GABBR2: variants seen among roughly 807,000 people sequenced by gnomAD.
GABBR2 encodes the protein gamma-aminobutyric acid type B receptor subunit 2, also known as G-protein coupled receptor 51.
Under a neutral mutation model 105.6 loss-of-function variants are expected in GABBR2, and 23 were observed. The observed-to-expected ratio is 0.22, with a 90% CI of 0.16 to 0.31. The LOEUF (loss-of-function observed/expected upper bound fraction) is 0.31. Ranked by LOEUF, GABBR2 falls within the 10% of genes least tolerant of loss-of-function variation. The pLI is 1.00. For synonymous variants in GABBR2, 478 were observed against 499.7 expected (o/e 0.96, Z 0.58); for missense variants, 734 against 1,245.5 (o/e 0.59, Z 6.18).
At chr9:98,571,267 C>T (rs773132709) in intron 2 of GABBR2, among the ~76,000 whole-genome samples, 11 of 152,204 alleles carry the variant, frequency 7.2e-5, no homozygotes, top group Non-Finnish European at 1.2e-4. Flanking sequence ...TGATGGTGCA[C>T]TCCATGGACT....
intron 1 of GABBR2, among the ~76,000 whole-genome samples, chr9:98,673,061 A>G (rs901855141): frequency 2.0e-5 from 3 of 152,234 alleles, no homozygotes; most frequent in Non-Finnish European, 4.4e-5. Flanking sequence ...GAAATAAGTG[A>G]CCATAGCAAC....
intron 14 of GABBR2, among the ~76,000 whole-genome samples, chr9:98,309,675 C>CCAG (rs1830606916): frequency 6.6e-6 from 1 of 152,210 alleles, no homozygotes; most frequent in Admixed American, 6.5e-5. Context: ...TTGTCCAAAC[C>CCAG]CAGGACCTTT....
chr9:98,393,998 G>C (rs1230246245), intron 9 of GABBR2, among the ~76,000 whole-genome samples, 177 bp downstream of exon 9: 3 of 152,240 alleles, frequency 2.0e-5, no homozygotes, highest in African/African-American at 7.2e-5. Context: ...CATGCCAGGT[G>C]CTGGAGCCCA....
At chr9:98,513,946 ACACATG>A (rs1435277861) in intron 3 of GABBR2, among the ~76,000 whole-genome samples, 1 of 152,208 alleles carries the variant, frequency 6.6e-6, no homozygotes, top group African/African-American at 2.4e-5. Context: ...TGCTATAAAG[ACACATG>A]CACACATGTG....
chr9:98,329,350 G>A (rs1202255269), intron 13 of GABBR2, among the ~76,000 whole-genome samples: 2 of 152,150 alleles, frequency 1.3e-5, no homozygotes, highest in Non-Finnish European at 1.5e-5. Context: ...TTCTTGGGTC[G>A]TTTCCGGCTC....
At chr9:98,597,271 T>A (rs1829252080) in intron 1 of GABBR2, among the ~76,000 whole-genome samples, 1 of 152,224 alleles carries the variant, frequency 6.6e-6, no homozygotes, top group South Asian at 2.1e-4. Flanking sequence ...CAGAATTTTA[T>A]TCTTATGCTG....
Position 98,436,310 on chromosome 9 carries a change from A to T in GABBR2, c.1236+17671T>A, listed in dbSNP as rs1213854368. 1.9e-3 allele frequency among the ~76,000 whole-genome samples: 129 copies of T among 68,124 alleles called. 6 individuals carry two copies. The highest frequency in any genetic ancestry group is 2.8e-3 in the South Asian group (5 of 1,792). The allele number at this position is 68,124 out of a possible 152,430, so 44.7% of individuals were successfully genotyped here. A position where few individuals can be genotyped will look rare whatever the true frequency, so the allele number is the denominator to read the frequency against. ...ATATATATATATATATATACCCATAAATATACCATATATATATATATACAC... is the reference window on the plus strand; with the variant it reads ...ATATATATATATATATATACCCATATATATACCATATATATATATATACAC... On this transcript the variant is annotated intron_variant, in intron 7 of 18. Coordinates refer to ENST00000259455, the MANE Select transcript of GABBR2 (RefSeq NM_005458.8).
At chr9:98,391,478 G>A (rs1010773679) in intron 9 of GABBR2, among the ~76,000 whole-genome samples, 5 of 152,194 alleles carry the variant, frequency 3.3e-5, no homozygotes, top group African/African-American at 1.2e-4. Flanking sequence ...GGGTCCAGGT[G>A]ATGTGATAAC....
chr9:98,326,415 G>C (rs1588103650), intron 13 of GABBR2, among the ~76,000 whole-genome samples: 1 of 152,218 alleles, frequency 6.6e-6, no homozygotes, highest in African/African-American at 2.4e-5. Context: ...CCAAAGAAAA[G>C]AGAGAGTGGT....
intron 14 of GABBR2, among the ~76,000 whole-genome samples, chr9:98,308,489 C>A (rs1830585892): frequency 1.3e-5 from 2 of 152,072 alleles, no homozygotes; most frequent in African/African-American, 4.8e-5. Flanking sequence ...GTGAATGTGA[C>A]CTTATTTGGA....
At chr9:98,292,760 C>T (rs1400299347) in intron 18 of GABBR2, among the ~76,000 whole-genome samples, 1 of 152,242 alleles carries the variant, frequency 6.6e-6, no homozygotes, top group Non-Finnish European at 1.5e-5. Flanking sequence ...CTGTGGTTGT[C>T]AGAGCATTCT....
chr9:98,428,630 G>T (rs1825742396), intron 7 of GABBR2, among the ~76,000 whole-genome samples: 1 of 152,210 alleles, frequency 6.6e-6, no homozygotes, highest in African/African-American at 2.4e-5. Flanking sequence ...CACATGACTG[G>T]AACTAAGCCA....
intron 7 of GABBR2, among the ~76,000 whole-genome samples, chr9:98,414,810 A>T (rs1832658030): frequency 6.6e-6 from 1 of 152,138 alleles, no homozygotes; most frequent in South Asian, 2.1e-4. Flanking sequence ...CAAGTTCCTG[A>T]TCCTTCATGC....
intron 1 of GABBR2, among the ~76,000 whole-genome samples, chr9:98,635,844 A>G (rs931465274): frequency 2.6e-5 from 4 of 152,202 alleles, no homozygotes; most frequent in Admixed American, 6.5e-5. Context: ...GTGTTTTCCC[A>G]TGAGACTGGG....
At chr9:98,448,749 A>G (rs1360532721) in intron 7 of GABBR2, among the ~76,000 whole-genome samples, 1 of 152,188 alleles carries the variant, frequency 6.6e-6, no homozygotes, top group East Asian at 1.9e-4. Flanking sequence ...CATAGGCACC[A>G]CAATCTCAAT....
At chr9:98,487,192 C>A (rs563363175) in intron 4 of GABBR2, among the ~76,000 whole-genome samples, 2 of 152,308 alleles carry the variant, frequency 1.3e-5, no homozygotes, top group East Asian at 3.9e-4. Flanking sequence ...CAAACCTGGC[C>A]TGTGAGAAAG....
intron 9 of GABBR2, 90 bp from the exon 10 acceptor site, chr9:98,389,094 G>A: frequency 1.7e-6 from 2 of 1,152,494 alleles, no homozygotes; most frequent in South Asian, 3.0e-5. Flanking sequence ...ATCCAGCCAG[G>A]CCCTGCGCAC....
At chr9:98,489,549 G>C (rs1467774526) in intron 4 of GABBR2, among the ~76,000 whole-genome samples, 1 of 152,188 alleles carries the variant, frequency 6.6e-6, no homozygotes, top group Non-Finnish European at 1.5e-5. Flanking sequence ...TTAAAAGATA[G>C]AGAGTTCCAT....
intron 14 of GABBR2, among the ~76,000 whole-genome samples, chr9:98,307,359 G>C (rs887578694): frequency 6.6e-6 from 1 of 152,162 alleles, no homozygotes; most frequent in African/African-American, 2.4e-5. Flanking sequence ...GGTGGGTGTA[G>C]GGCAGAATGG....
Sources: allele counts gnomAD v4.1 joint callset (sites outside exome capture counted in the v4.1 genomes callset), GRCh38; gene constraint gnomAD v4.1.1; transcripts MANE v1.5; gene names NCBI Gene and HGNC (gene_info 2026-07-23, HGNC 2026-07-21).